PCDHA9: variants seen among roughly 807,000 people sequenced by gnomAD.
The protein encoded by PCDHA9 is protocadherin alpha 9, also known as protocadherin alpha-9.
In PCDHA9, 62 loss-of-function variants were observed where a neutral mutation model predicts 62.0. That is an observed-to-expected ratio of 1.00 (90% CI 0.81 to 1.23). The LOEUF (loss-of-function observed/expected upper bound fraction) is 1.23, where lower values mean the gene tolerates loss of function less well. Among genes scored for constraint, PCDHA9 ranks in the 50% most tolerant of loss-of-function variants. PCDHA9 has a pLI of 0.00. For synonymous variants in PCDHA9, 557 were observed against 567.6 expected, an observed-to-expected ratio of 0.98 and a Z score of 0.27; for missense variants, 1,205 against 1,249.8, an observed-to-expected ratio of 0.96 and a Z score of 0.54.
chr5:140,970,427 GGTGTTA>G (rs1442614278), intron 1 of PCDHA9, among the ~76,000 whole-genome samples: 6 of 152,192 alleles, frequency 3.9e-5, no homozygotes, highest in Admixed American at 3.3e-4. Context: ...TGTAGAGGCA[GGTGTTA>G]GTATATGCAC....
chr5:140,882,234 T>C, intron 1 of PCDHA9: 1 of 1,579,306 alleles, frequency 6.3e-7, no homozygotes, highest in Non-Finnish European at 8.6e-7. Flanking sequence ...GCGTTGTATA[T>C]ATTGCAGATA....
At chr5:140,873,770 C>T (rs1316613523) in intron 1 of PCDHA9, among the ~76,000 whole-genome samples, 1 of 151,400 alleles carries the variant, frequency 6.6e-6, no homozygotes, top group Non-Finnish European at 1.5e-5. Context: ...AAGCAATTCT[C>T]CTGCCTCAGC....
chr5:140,874,695 T>C (rs1278085784), intron 1 of PCDHA9, among the ~76,000 whole-genome samples: 1 of 152,228 alleles, frequency 6.6e-6, no homozygotes, highest in East Asian at 1.9e-4. Flanking sequence ...TAACATGTTA[T>C]GGAAATGAGA....
intron 1 of PCDHA9, chr5:140,853,670 T>G: frequency 1.0e-6 from 1 of 988,378 alleles, no homozygotes; most frequent in Non-Finnish European, 1.2e-6. Flanking sequence ...AATTGGGGCC[T>G]ATGGTCAACC....
intron 1 of PCDHA9, chr5:140,851,169 T>C: frequency 1.6e-6 from 2 of 1,280,288 alleles, no homozygotes; most frequent in Non-Finnish European, 2.0e-6. Flanking sequence ...TATGCTGCCA[T>C]AACACTTGAA....
chr5:140,864,251 T>C (rs2048389187), intron 1 of PCDHA9: 1 of 152,248 alleles, frequency 6.6e-6, no homozygotes, highest in South Asian at 2.1e-4. Context: ...TTCATTTTCT[T>C]ATTCTGATTT....
chr5:140,864,177 A>G (rs2048351584), intron 1 of PCDHA9: 1 of 152,222 alleles, frequency 6.6e-6, no homozygotes, highest in Non-Finnish European at 1.5e-5. Context: ...AAGGATCATG[A>G]TGAATAATGA....
intron 1 of PCDHA9, among the ~76,000 whole-genome samples, chr5:140,957,038 C>A (rs534661886): frequency 2.0e-5 from 3 of 151,928 alleles, no homozygotes; most frequent in African/African-American, 7.3e-5. Context: ...TTATGGGAGT[C>A]ATATAAAATA....
At chr5:140,902,540 C>T (rs2069538388) in intron 1 of PCDHA9, among the ~76,000 whole-genome samples, 1 of 151,900 alleles carries the variant, frequency 6.6e-6, no homozygotes, top group South Asian at 2.1e-4. Context: ...GAGGTATGTT[C>T]CTTCTATACC....
chr5:140,849,885 G>C lies in PCDHA9; in HGVS notation c.1390G>C (p.Val464Leu), dbSNP rs2150456327. 2 of 1,598,614 alleles carry C rather than the reference G, an allele frequency of 1.3e-6. No individual in the cohort carries two copies. The highest frequency in any genetic ancestry group is 1.7e-6 in the Non-Finnish European group (2 of 1,167,994). The change falls in exon 1 of 4, where the codon GTG becomes CTG. Residue 464 changes from valine to leucine, a missense_variant. By Grantham distance (32) the Val-to-Leu change is conservative. Around this residue, in one of 3 missense-constraint regions of PCDHA9, gnomAD observed 887 missense variants for 809.5 expected, o/e 1.10. Transcript: ENST00000532602. ...CGCGCAGTCCGAGTACACGGTGTTC[G>C]TGAAGGAGAACAACCCGCCGGGCTG... The part of the protein sequence containing the change: ...AFAQSEYTVF[V>L]KENNPPGCHI...
At position 140,967,010 on chromosome 5, in the gene PCDHA9, C is replaced by T. The variant is rs781936791; in HGVS notation, c.2395-11939C>T. 7 of 1,606,340 alleles carry T rather than the reference C, an allele frequency of 4.4e-6. No individual in the cohort carries two copies. In the South Asian group the frequency reaches 6.6e-5, roughly 15 times the overall value. On this transcript the variant is annotated intron_variant, in intron 1 of 3. Coordinates refer to ENST00000532602, the MANE Select transcript of PCDHA9 (RefSeq NM_031857.2). ...GCCGGGTTGCTTGCGCATCAACCAT[C>T]TGGGTGCGCCCAGTCCGCGCTACCT...
In PCDHA9 at chr5:140,982,506, C is replaced by T. The variant is rs139355257; in HGVS notation, c.2485C>T (p.Arg829Trp). The change falls in exon 3 of 4, where the codon CGG (arginine) becomes TGG (tryptophan). Residue 829 changes from arginine to tryptophan, a missense_variant. Arg to Trp is a moderately radical substitution (Grantham distance 101). Coordinates refer to ENST00000532602, the MANE Select transcript of PCDHA9 (RefSeq NM_031857.2). ...GCACCTAGAGGAGGCTGGCATTCTACGGGCTGGTCCAGGAGGGCCTGATCA... is the reference window on the plus strand; with the variant it reads ...GCACCTAGAGGAGGCTGGCATTCTATGGGCTGGTCCAGGAGGGCCTGATCA... The part of the protein sequence containing the change: ...SVHLEEAGIL[R>W]AGPGGPDQQW... The T allele has an allele frequency of 3.5e-5, 57 of 1,614,162 alleles. No individual in the cohort carries two copies. Among genetic ancestry groups the T allele is most frequent in the Middle Eastern group, 3.3e-4 (2 of 6,058 alleles).
intron 1 of PCDHA9, chr5:140,969,505 A>G (rs973647679): frequency 1.4e-6 from 2 of 1,428,552 alleles, no homozygotes; most frequent in South Asian, 3.0e-5. Context: ...CTAGAAAAAT[A>G]GCACTAAAGA....
intron 1 of PCDHA9, chr5:140,856,875 T>A: frequency 1.9e-6 from 3 of 1,595,778 alleles, no homozygotes; most frequent in Non-Finnish European, 2.6e-6. Context: ...AACAAGGAAA[T>A]GATGTATTCA....
At position 140,857,609 on chromosome 5, in the gene PCDHA9, C is replaced by T; in HGVS notation, c.2394+6720C>T. 1.3e-6 allele frequency: 2 copies of T among 1,596,206 alleles called. 1 individual carries two copies. Among genetic ancestry groups the T allele is most frequent in the African/African-American group, 2.7e-5 (2 of 74,262 alleles). ...GAGCGGCAAGGTGTACGCGCTGCAG[C>T]CGCTGGACCACGAGGAGCTGGAGCT... is the stretch of plus-strand genomic sequence containing the variant. On this transcript the variant is annotated intron_variant, in intron 1 of 3. Transcript: ENST00000532602.
intron 1 of PCDHA9, chr5:140,869,336 A>G (rs781863950): frequency 6.2e-7 from 1 of 1,613,984 alleles, no homozygotes; most frequent in Admixed American, 1.7e-5. Flanking sequence ...CTGGAGGTAA[A>G]TCTGCAGAAT....
chr5:141,010,396 C>A lies in PCDHA9; in HGVS notation c.*459C>A. 7.5e-7 allele frequency: 1 copy of A among 1,337,260 alleles called. No individual in the cohort carries two copies. Among genetic ancestry groups the A allele is most frequent in the Non-Finnish European group, 1.0e-6 (1 of 999,990 alleles). 82.8% of individuals were successfully genotyped at this position (1,337,260 alleles called of 1,614,324 possible). On this transcript the variant is annotated 3_prime_UTR_variant, in exon 4 of 4. Coordinates refer to ENST00000532602, the MANE Select transcript of PCDHA9 (RefSeq NM_031857.2). ...GTGCCAGATATTGGCTGAGACGAGC[C>A]AGCTTAGACTAATTGGTACAAGGAA...
Position 140,886,416 on chromosome 5 carries a change from A to T in PCDHA9, c.2394+35527A>T, listed in dbSNP as rs184712902. Among the ~76,000 whole-genome samples, 13 of 152,286 alleles carry T rather than the reference A, an allele frequency of 8.5e-5. No homozygotes were observed. The East Asian group carries it at 2.5e-3, about 29-fold the overall frequency. ...TGCATCACAAATATGTTTTCCTCCT[A>T]TATTATTTCTATTCATTTGTTTGTA... is the stretch of plus-strand genomic sequence containing the variant. On this transcript the variant is annotated intron_variant, in intron 1 of 3. Transcript: ENST00000532602.
At chr5:140,940,809 C>G (rs1308338406) in intron 1 of PCDHA9, among the ~76,000 whole-genome samples, 1 of 152,118 alleles carries the variant, frequency 6.6e-6, no homozygotes, top group Admixed American at 6.5e-5. Flanking sequence ...GCCAGGATAT[C>G]CTGAGATCTT....
Sources: gnomAD v4.1 joint callset for allele counts (sites outside exome capture counted in the v4.1 genomes callset) on GRCh38, gnomAD v4.1.1 for gene constraint, gnomAD v4.1.1 regional missense constraint, MANE v1.5 for transcripts, NCBI Gene and HGNC (gene_info 2026-07-23, HGNC 2026-07-21) for gene names.